Variants in TMEM117 observed in about 807,000 individuals in gnomAD.
TMEM117 encodes transmembrane protein 117.
A neutral mutation model predicts 52.4 loss-of-function variants in TMEM117; 27 were observed. The ratio of observed to expected loss-of-function variants is 0.51; its 90% CI spans 0.38 to 0.71. The LOEUF is 0.71. TMEM117 is among the 30% of genes least tolerant of loss of function. The pLI is 0.00. For synonymous variants in TMEM117, 215 were observed against 206.3 expected (o/e 1.04, Z -0.36); for missense variants, 556 against 630.5 (o/e 0.88, Z 1.26).
intron 5 of TMEM117, among the ~76,000 whole-genome samples, chr12:44,255,763 A>T (rs941995752): frequency 6.6e-6 from 1 of 152,118 alleles, no homozygotes; most frequent in Non-Finnish European, 1.5e-5. Flanking sequence ...CTGGCAAAAA[A>T]TCAACCACTG....
chr12:43,855,508 T>C lies in TMEM117; in HGVS notation c.277+10580T>C, dbSNP rs116153059. Among the ~76,000 whole-genome samples, 687 of 152,336 alleles carry C rather than the reference T, an allele frequency of 4.5e-3. 6 individuals are homozygous for C. The highest frequency in any genetic ancestry group is 0.015 in the African/African-American group (638 of 41,576). On this transcript the variant is annotated intron_variant, in intron 2 of 7. Transcript: ENST00000266534. ...TAATTTGATAACTAAATATCTGCCATAGATGAATACATGCTAAAGATGTAC... is the reference window on the plus strand; with the variant it reads ...TAATTTGATAACTAAATATCTGCCACAGATGAATACATGCTAAAGATGTAC...
chr12:44,383,576 G>A (rs1239150084), intron 7 of TMEM117, among the ~76,000 whole-genome samples: 1 of 152,172 alleles, frequency 6.6e-6, no homozygotes, highest in African/African-American at 2.4e-5. Flanking sequence ...TTAATAGAAA[G>A]AATGTATGGA....
intron 4 of TMEM117, among the ~76,000 whole-genome samples, chr12:44,152,923 T>C (rs1036868957): frequency 1.3e-5 from 2 of 149,052 alleles, no homozygotes; most frequent in African/African-American, 2.5e-5. Flanking sequence ...TTCTTAAGTA[T>C]ATATTTATAT....
At chr12:43,804,648 A>C in the TMEM117 span, 1 of 1,004,360 alleles carries the variant, frequency 1.0e-6, no homozygotes, top group South Asian at 1.6e-5. Context: ...GGAAAAGTTA[A>C]TTAGAATACA....
intron 3 of TMEM117, among the ~76,000 whole-genome samples, chr12:44,076,911 T>A (rs1947391679): frequency 6.6e-6 from 1 of 152,148 alleles, no homozygotes; most frequent in Non-Finnish European, 1.5e-5. Context: ...ATTTGACAGT[T>A]TGGGCCATTA....
At chr12:44,074,211 G>C (rs2137991646) in intron 3 of TMEM117, among the ~76,000 whole-genome samples, 1 of 152,244 alleles carries the variant, frequency 6.6e-6, no homozygotes, top group Admixed American at 6.5e-5. Flanking sequence ...TATAGTCAAG[G>C]TAATCATACA....
At chr12:43,917,616 A>G (rs1340586079) in intron 2 of TMEM117, among the ~76,000 whole-genome samples, 1 of 151,954 alleles carries the variant, frequency 6.6e-6, no homozygotes, top group Non-Finnish European at 1.5e-5. Context: ...CATATCATAA[A>G]CATAAACATT....
intron 6 of TMEM117, among the ~76,000 whole-genome samples, chr12:44,317,290 A>G (rs966089972): frequency 1.5e-5 from 2 of 134,926 alleles, no homozygotes; most frequent in Non-Finnish European, 3.0e-5. Flanking sequence ...CCTATTATAT[A>G]TATATATATG....
intron 3 of TMEM117, among the ~76,000 whole-genome samples, chr12:44,082,382 C>A (rs955527177): frequency 2.0e-5 from 3 of 151,882 alleles, no homozygotes; most frequent in Non-Finnish European, 4.4e-5. Flanking sequence ...TCTATGGGTT[C>A]TATAGCTACT....
intron 2 of TMEM117, among the ~76,000 whole-genome samples, chr12:43,915,163 T>C (rs541053526): frequency 1.3e-5 from 2 of 152,330 alleles, no homozygotes; most frequent in South Asian, 2.1e-4. Flanking sequence ...TCTCAAAGTC[T>C]AGGTCTTACC....
intron 4 of TMEM117, among the ~76,000 whole-genome samples, chr12:44,194,623 C>T (rs1172450100): frequency 1.3e-5 from 2 of 152,064 alleles, no homozygotes; most frequent in Non-Finnish European, 2.9e-5. Context: ...CTCAGGAGTT[C>T]GAGAACAGCC....
At chr12:43,839,489 C>T (rs903517537) in intron 1 of TMEM117, among the ~76,000 whole-genome samples, 4 of 152,162 alleles carry the variant, frequency 2.6e-5, no homozygotes, top group Non-Finnish European at 5.9e-5. Flanking sequence ...GTTTTGTTCC[C>T]TCTATCTGGA....
intron 3 of TMEM117, among the ~76,000 whole-genome samples, chr12:44,029,389 G>A (rs1489311919): frequency 6.6e-6 from 1 of 152,176 alleles, no homozygotes; most frequent in South Asian, 2.1e-4. Flanking sequence ...CCTTAGGCAT[G>A]TACAGGCATG....
At chr12:44,337,839 G>A (rs542154953) in intron 6 of TMEM117, among the ~76,000 whole-genome samples, 7 of 152,082 alleles carry the variant, frequency 4.6e-5, no homozygotes, top group Non-Finnish European at 1.0e-4. Flanking sequence ...GGGGGAAAAT[G>A]TATAAATCAA....
chr12:43,965,651 C>T (rs1409632088), intron 3 of TMEM117, among the ~76,000 whole-genome samples: 1 of 152,154 alleles, frequency 6.6e-6, no homozygotes, highest in African/African-American at 2.4e-5. Context: ...TGGTCTGAGC[C>T]TTTTTTTGCT....
At chr12:44,247,197 T>G (rs1950141288) in intron 5 of TMEM117, among the ~76,000 whole-genome samples, 2 of 152,232 alleles carry the variant, frequency 1.3e-5, no homozygotes, top group Non-Finnish European at 2.9e-5. Context: ...ATTGCTGCAA[T>G]CTGTATCTTC....
intron 4 of TMEM117, among the ~76,000 whole-genome samples, chr12:44,210,961 G>C (rs1298111635): frequency 6.6e-6 from 1 of 152,056 alleles, no homozygotes; most frequent in Non-Finnish European, 1.5e-5. Context: ...TTTGGATTTA[G>C]ACAAACTTTA....
intron 2 of TMEM117, among the ~76,000 whole-genome samples, chr12:43,865,873 G>C (rs1206806132): frequency 6.6e-6 from 1 of 151,670 alleles, no homozygotes; most frequent in African/African-American, 2.4e-5. Flanking sequence ...ATAATAATTA[G>C]TAAAATTAAT....
chr12:44,390,199 GACACAC>G (rs58917894), downstream of TMEM117, among the ~76,000 whole-genome samples: 199 of 143,682 alleles, frequency 1.4e-3, 1 homozygote, highest in African/African-American at 4.1e-3. Context: ...AAACATATCT[GACACAC>G]ACACACACAC....
Sources: allele counts gnomAD v4.1 joint callset (sites outside exome capture counted in the v4.1 genomes callset), GRCh38; gene constraint gnomAD v4.1.1; transcripts MANE v1.5; gene names NCBI Gene and HGNC (gene_info 2026-07-23, HGNC 2026-07-21).